The following PEPD variants were observed in gnomAD, a reference collection of about 807,000 sequenced individuals.
The protein encoded by PEPD is xaa-Pro dipeptidase.
PEPD carries 53 observed loss-of-function variants against 60.7 expected under a neutral mutation model. The observed-to-expected ratio is 0.87, with a 90% CI of 0.70 to 1.10. The LOEUF is 1.10. PEPD is among the 50% of genes least tolerant of loss of function. The pLI is 0.00. For synonymous variants in PEPD, 267 were observed against 284.1 expected, an observed-to-expected ratio of 0.94 and a Z score of 0.60; for missense variants, 711 against 711.9, an observed-to-expected ratio of 1.00 and a Z score of 0.01.
chr19:33,519,164 G>A (rs1269796442), intron 1 of PEPD, among the ~76,000 whole-genome samples: 1 of 152,192 alleles, frequency 6.6e-6, no homozygotes, highest in African/African-American at 2.4e-5. Context: ...CTCTCCATGA[G>A]GGGATGGGAG....
rs549761765 is a variant in PEPD, at chr19:33,518,757, G to A, written c.17+2987C>T. ...CCTGCGGATACAAAAGAACCCCAGGGGTTCTAAGGATGCTAGGAGAGGCAT... is the reference window on the plus strand; with the variant it reads ...CCTGCGGATACAAAAGAACCCCAGGAGTTCTAAGGATGCTAGGAGAGGCAT... On this transcript the variant is annotated intron_variant, in intron 1 of 14. Coordinates refer to ENST00000244137, the MANE Select transcript of PEPD (RefSeq NM_000285.4). Among the ~76,000 whole-genome samples the A allele has an allele frequency of 3.3e-5, 5 of 152,222 alleles. No homozygotes were observed. In the East Asian group the frequency reaches 9.7e-4, roughly 29 times the overall value.
intron 3 of PEPD, among the ~76,000 whole-genome samples, chr19:33,508,046 T>C (rs912929265): frequency 4.6e-5 from 7 of 151,940 alleles, no homozygotes; most frequent in Non-Finnish European, 8.8e-5. Context: ...TGGAAACCCC[T>C]GGAAACCCCA....
At chr19:33,441,056 T>C (rs1400878331) in intron 9 of PEPD, among the ~76,000 whole-genome samples, 1 of 152,148 alleles carries the variant, frequency 6.6e-6, no homozygotes, top group African/African-American at 2.4e-5. Flanking sequence ...AATGGTCAAA[T>C]TGGAGTTGTC....
At position 33,430,959 on chromosome 19, in the gene PEPD, A is replaced by G. The variant is rs571743814; in HGVS notation, c.672-17316T>C. Reference sequence around the variant, plus strand: ...CTGTTTTGATACCATTGTTGTGGACAAAGTAAAAAATAAGCAATCCAGCCA... The same window carrying G: ...CTGTTTTGATACCATTGTTGTGGACGAAGTAAAAAATAAGCAATCCAGCCA... On this transcript the variant is annotated intron_variant, in intron 9 of 14. Transcript: ENST00000244137. Among the ~76,000 whole-genome samples the G allele has an allele frequency of 1.1e-4, 17 of 152,256 alleles. No individual in the cohort carries two copies. The South Asian group carries it at 2.3e-3, about 20-fold the overall frequency.
chr19:33,411,624 T>G, intron 11 of PEPD, 48 bp downstream of exon 11: 2 of 1,072,056 alleles, frequency 1.9e-6, no homozygotes, highest in Non-Finnish European at 2.9e-6. Flanking sequence ...GAGTCCAACC[T>G]TGGCCTGGCT....
At chr19:33,438,502 A>G (rs1969422472) in intron 9 of PEPD, among the ~76,000 whole-genome samples, 1 of 152,222 alleles carries the variant, frequency 6.6e-6, no homozygotes, top group Non-Finnish European at 1.5e-5. Context: ...AGGGCACTCT[A>G]TGCCCCCAGT....
chr19:33,434,236 AC>A (rs1448591404), intron 9 of PEPD, among the ~76,000 whole-genome samples: 2 of 151,628 alleles, frequency 1.3e-5, no homozygotes, highest in Non-Finnish European at 2.9e-5. Flanking sequence ...CCCACAGTTT[AC>A]CCACCCGCCA....
intron 7 of PEPD, 72 bp downstream of exon 7, chr19:33,477,973 AG>A (rs1379151960): frequency 1.0e-5 from 10 of 989,096 alleles, no homozygotes; most frequent in Admixed American, 1.8e-5. Flanking sequence ...CGGTGTGGGC[AG>A]GAACAACAGG....
In PEPD at chr19:33,461,183, T is replaced by C. The variant is rs114328427; in HGVS notation, c.671+1812A>G. 7.0e-3 allele frequency among the ~76,000 whole-genome samples: 1,067 copies of C among 152,326 alleles called. 18 individuals are homozygous for C. Among genetic ancestry groups the C allele is most frequent in the African/African-American group, 0.024 (1,017 of 41,572 alleles). On this transcript the variant is annotated intron_variant, in intron 9 of 14. Transcript: ENST00000244137. ...CCTACTGAGGTATTTACAGGTGCTA[T>C]GACACGATGTCTAGGATTTGGCTTT...
intron 7 of PEPD, among the ~76,000 whole-genome samples, chr19:33,465,151 T>C (rs1969996675): frequency 6.6e-6 from 1 of 152,192 alleles, no homozygotes; most frequent in Non-Finnish European, 1.5e-5. Context: ...CAGTAAGTGC[T>C]GTGTACACTT....
At chr19:33,453,655 A>C (rs1969742246) in intron 9 of PEPD, among the ~76,000 whole-genome samples, 1 of 152,278 alleles carries the variant, frequency 6.6e-6, no homozygotes, top group African/African-American at 2.4e-5. Context: ...TATATGCACT[A>C]GGAAACACGA....
intron 6 of PEPD, among the ~76,000 whole-genome samples, chr19:33,482,196 T>C (rs540615015): frequency 1.3e-5 from 2 of 152,148 alleles, no homozygotes; most frequent in Admixed American, 6.5e-5. Flanking sequence ...AACAAAACAC[T>C]AGCAAACAGA....
intron 4 of PEPD, among the ~76,000 whole-genome samples, chr19:33,499,428 C>T (rs573995828): frequency 5.9e-5 from 9 of 152,194 alleles, no homozygotes; most frequent in Non-Finnish European, 1.2e-4. Flanking sequence ...TGGTCACCTC[C>T]TGCACTGGAC....
At chr19:33,514,090 G>A (rs1166534100) in intron 1 of PEPD, among the ~76,000 whole-genome samples, 1 of 152,176 alleles carries the variant, frequency 6.6e-6, no homozygotes, top group Non-Finnish European at 1.5e-5. Flanking sequence ...AACGGATGGT[G>A]GTCCCAGCAA....
rs1363651661 is a variant in PEPD, at chr19:33,391,346, C to T, written c.1101G>A (p.Gly367=). The T allele has an allele frequency of 1.2e-6, 2 of 1,611,276 alleles. No homozygotes were observed. Among genetic ancestry groups the T allele is most frequent in the Non-Finnish European group, 8.5e-7 (1 of 1,179,222 alleles). Residue 367 remains glycine, a synonymous_variant, in exon 13 of 15, where the codon GGG becomes GGA. Transcript: ENST00000244137. ...CGTCAATGCCCAGGAAGTGGCCAAG[C>T]CCGTGAGGCATAAACACGGCCCCCA... The part of the protein sequence containing the change: ...AHLGAVFMPH[G]LGHFLGIDVH...
chr19:33,520,697 G>C (rs559056540), intron 1 of PEPD, among the ~76,000 whole-genome samples: 2 of 152,226 alleles, frequency 1.3e-5, no homozygotes, highest in African/African-American at 4.8e-5. Context: ...ATCTTAAAAA[G>C]AGAGATGCAT....
At chr19:33,453,295 T>A (rs979166900) in intron 9 of PEPD, among the ~76,000 whole-genome samples, 1 of 125,134 alleles carries the variant, frequency 8.0e-6, no homozygotes, top group Non-Finnish European at 1.6e-5. Flanking sequence ...GCCTGGGCAG[T>A]AGAGCAAAAC....
chr19:33,472,320 C>T (rs1012852284), intron 7 of PEPD, among the ~76,000 whole-genome samples: 1 of 152,128 alleles, frequency 6.6e-6, no homozygotes, highest in African/African-American at 2.4e-5. Flanking sequence ...AGCATAAGAC[C>T]CTGTCTCTAA....
At chr19:33,461,894 C>A (rs1363755445) in intron 9 of PEPD, among the ~76,000 whole-genome samples, 1 of 152,244 alleles carries the variant, frequency 6.6e-6, no homozygotes, top group Admixed American at 6.5e-5. Context: ...TCCCAGGATG[C>A]CAAGCACCTG....
Sources: gnomAD v4.1 joint callset for allele counts (sites outside exome capture counted in the v4.1 genomes callset) on GRCh38, gnomAD v4.1.1 for gene constraint, MANE v1.5 for transcripts, NCBI Gene and HGNC (gene_info 2026-07-23, HGNC 2026-07-21) for gene names.